The following MICU2 variants were observed in gnomAD, a reference collection of about 807,000 sequenced individuals.
The protein encoded by MICU2 is calcium uptake protein 2, mitochondrial.
A neutral mutation model predicts 60.4 loss-of-function variants in MICU2; 64 were observed. The ratio of observed to expected loss-of-function variants is 1.06; its 90% confidence interval spans 0.87 to 1.31. The LOEUF (loss-of-function observed/expected upper bound fraction) is 1.31. Ranked by LOEUF, MICU2 falls within the 50% of genes most tolerant of loss-of-function variation. MICU2 has a pLI of 0.00. For missense variants in MICU2, 569 were observed against 531.0 expected (o/e 1.07, Z -0.70); for synonymous variants, 201 against 175.0 (o/e 1.15, Z -1.17).
chr13:21,512,175 A>C (rs1339137009), intron 7 of MICU2, among the ~76,000 whole-genome samples: 1 of 152,056 alleles, frequency 6.6e-6, no homozygotes, highest in East Asian at 1.9e-4. Flanking sequence ...ATATCTCTCT[A>C]TGGTTTTAAT....
intron 4 of MICU2, chr13:21,530,761 A>G (rs2138180743): frequency 1.7e-6 from 1 of 596,680 alleles, no homozygotes; most frequent in Non-Finnish European, 3.0e-6. Context: ...CACCCCAGCC[A>G]TACCCACCAC....
intron 1 of MICU2, among the ~76,000 whole-genome samples, chr13:21,569,131 G>A (rs1405972016): frequency 6.6e-6 from 1 of 152,112 alleles, no homozygotes; most frequent in East Asian, 1.9e-4. Context: ...GGCTGTCATT[G>A]AATTGCAGAC....
In MICU2 at chr13:21,566,919, T is replaced by C. The variant is rs771524116; in HGVS notation, c.236A>G (p.Tyr79Cys). The part of the protein sequence containing the change: ...AQKNVEHGII[Y>C]IGKPSLRKQR... Reference sequence around the variant, plus strand: ...CTTACGAAGAGACGGTTTCCCAATATATATTATTCCATGTTCAACATTTTT... The same window carrying C: ...CTTACGAAGAGACGGTTTCCCAATACATATTATTCCATGTTCAACATTTTT... The change falls in exon 2 of 12, where the codon TAT becomes TGT. Residue 79 changes from tyrosine to cysteine, a missense_variant. Tyr to Cys is a radical substitution (Grantham distance 194). Coordinates refer to ENST00000382374, the MANE Select transcript of MICU2 (RefSeq NM_152726.3). The C allele has an allele frequency of 4.4e-6, 7 of 1,598,382 alleles. No individual in the cohort carries two copies. The highest frequency in any genetic ancestry group is 3.7e-5 in the Admixed American group (2 of 54,218).
chr13:21,506,329 T>C (rs945842682), intron 8 of MICU2, among the ~76,000 whole-genome samples: 1 of 152,206 alleles, frequency 6.6e-6, no homozygotes, highest in Non-Finnish European at 1.5e-5. Context: ...GACTCCGTTG[T>C]TAATTGCTTT....
chr13:21,514,148 C>T (rs1886502743), intron 7 of MICU2, among the ~76,000 whole-genome samples: 1 of 152,216 alleles, frequency 6.6e-6, no homozygotes, highest in African/African-American at 2.4e-5. Context: ...CCCCACCACA[C>T]ACCTCTGCCA....
chr13:21,529,825 T>C (rs759244681), intron 4 of MICU2, among the ~76,000 whole-genome samples: 22 of 152,292 alleles, frequency 1.4e-4, no homozygotes, highest in Middle Eastern at 3.4e-3. Context: ...ATTCAGCCTG[T>C]GAAGGCTTCT....
chr13:21,574,385 T>G (rs1888178737), intron 1 of MICU2, among the ~76,000 whole-genome samples: 1 of 152,194 alleles, frequency 6.6e-6, no homozygotes, highest in Admixed American at 6.5e-5. Context: ...CTCCATGGAT[T>G]TCAAGGATTA....
chr13:21,493,480 T>C, intron 11 of MICU2, 127 bp from the exon 12 acceptor site: 1 of 622,522 alleles, frequency 1.6e-6, no homozygotes, highest in Middle Eastern at 2.8e-4. Flanking sequence ...TGAATTATGT[T>C]GTAAAAGATG....
intron 2 of MICU2, among the ~76,000 whole-genome samples, chr13:21,540,784 T>G (rs1378037900): frequency 2.6e-5 from 4 of 152,142 alleles, no homozygotes; most frequent in African/African-American, 7.2e-5. Context: ...CTGTTAGGTG[T>G]TGTTATAGTA....
At chr13:21,507,840 T>C (rs1018182342) in intron 8 of MICU2, among the ~76,000 whole-genome samples, 16 of 151,886 alleles carry the variant, frequency 1.1e-4, no homozygotes, top group African/African-American at 3.6e-4. Flanking sequence ...CCTGACCTCG[T>C]GATCTGCCCG....
chr13:21,528,657 G>A (rs1050977864), intron 4 of MICU2, among the ~76,000 whole-genome samples: 7 of 152,180 alleles, frequency 4.6e-5, no homozygotes, highest in African/African-American at 1.7e-4. Context: ...TAGCCATTGC[G>A]CTTAGACCTC....
chr13:21,546,295 CTT>C (rs33921647), intron 2 of MICU2, among the ~76,000 whole-genome samples: 2,160 of 131,298 alleles, frequency 0.016, 23 homozygotes, highest in Non-Finnish European at 0.025. Context: ...GATAAAAAGA[CTT>C]TTTTTTTTTT....
chr13:21,571,402 A>AAAAAT (rs1888105410), intron 1 of MICU2, among the ~76,000 whole-genome samples: 2 of 152,192 alleles, frequency 1.3e-5, no homozygotes, highest in African/African-American at 2.4e-5. Flanking sequence ...AAATTTTAAA[A>AAAAAT]AAAATCAATA....
Position 21,496,113 on chromosome 13 carries a change from G to A in MICU2, c.981C>T (p.His327=). The change falls in exon 10 of 12, where the codon CAC becomes CAT. Residue 327 remains histidine, a synonymous_variant. Transcript: ENST00000382374. ...GCATGGCAATAGCAAAGTCTTCCAA[G>A]TGGGTTGTAAAATGGCAAAATGACT... ...EFKSFCHFTT[H]LEDFAIAMQM... is the part of the protein sequence containing the mutation. The A allele has an allele frequency of 1.9e-6, 3 of 1,614,104 alleles. No homozygotes were observed. The highest frequency in any genetic ancestry group is 2.5e-6 in the Non-Finnish European group (3 of 1,179,984).
chr13:21,508,502 TGA>T (rs1385605919), intron 8 of MICU2, among the ~76,000 whole-genome samples: 1 of 152,160 alleles, frequency 6.6e-6, no homozygotes, highest in African/African-American at 2.4e-5. Context: ...GCTGCCAGAG[TGA>T]TGGGCACATC....
intron 1 of MICU2, among the ~76,000 whole-genome samples, chr13:21,569,873 T>C (rs531864966): frequency 2.2e-4 from 33 of 150,180 alleles, no homozygotes; most frequent in Non-Finnish European, 4.4e-4. Flanking sequence ...CTTGCCTAGA[T>C]TGTAAGTGAT....
intron 7 of MICU2, among the ~76,000 whole-genome samples, chr13:21,513,148 A>G (rs1886474448): frequency 6.6e-6 from 1 of 151,246 alleles, no homozygotes; most frequent in Non-Finnish European, 1.5e-5. Context: ...TTTTTTGCAG[A>G]TTTCCTGGGA....
At chr13:21,515,749 A>G (rs1297723935) in intron 6 of MICU2, 2 of 188,914 alleles carry the variant, frequency 1.1e-5, no homozygotes, top group Non-Finnish European at 2.3e-5. Context: ...TATTTCTATT[A>G]CGTTTGTTTT....
At chr13:21,564,095 GC>G (rs1436378749) in intron 2 of MICU2, among the ~76,000 whole-genome samples, 1 of 152,190 alleles carries the variant, frequency 6.6e-6, no homozygotes, top group Non-Finnish European at 1.5e-5. Flanking sequence ...TTCCATTGGA[GC>G]CCTTAGCATA....
Sources: gnomAD v4.1 joint callset for allele counts (sites outside exome capture counted in the v4.1 genomes callset) on GRCh38, gnomAD v4.1.1 for gene constraint, MANE v1.5 for transcripts, NCBI Gene and HGNC (gene_info 2026-07-23, HGNC 2026-07-21) for gene names.